TP63: variants seen among roughly 807,000 people sequenced by gnomAD.
TP63 encodes tumor protein 63.
A neutral mutation model predicts 82.8 loss-of-function variants in TP63; 17 were observed. The ratio of observed to expected loss-of-function variants is 0.21; its 90% CI spans 0.14 to 0.31. The LOEUF (loss-of-function observed/expected upper bound fraction) is 0.31. Ranked by LOEUF, TP63 falls within the 10% of genes least tolerant of loss-of-function variation. The probability of loss-of-function intolerance (pLI) is 1.00; values close to 1 mark genes in which losing one functional copy is unlikely to be tolerated. For missense variants in TP63, 648 were observed against 895.3 expected, an observed-to-expected ratio of 0.72 and a Z score of 3.52; for synonymous variants, 330 against 321.7, an observed-to-expected ratio of 1.03 and a Z score of -0.28.
At chr3:189,754,785 A>G (rs1381502821) in intron 3 of TP63, among the ~76,000 whole-genome samples, 3 of 152,116 alleles carry the variant, frequency 2.0e-5, no homozygotes, top group East Asian at 1.9e-4. Flanking sequence ...GTTGGTCTCT[A>G]TCAGGCTCCT....
intron 3 of TP63, among the ~76,000 whole-genome samples, chr3:189,778,695 G>A (rs1048644731): frequency 4.6e-5 from 7 of 152,196 alleles, no homozygotes; most frequent in Admixed American, 6.5e-5. Flanking sequence ...ATCTTTTAAA[G>A]AGATGCTTAG....
intron 10 of TP63, among the ~76,000 whole-genome samples, chr3:189,883,097 A>C (rs1348941900): frequency 6.6e-6 from 1 of 152,126 alleles, no homozygotes; most frequent in African/African-American, 2.4e-5. Context: ...AGGTCCTGTT[A>C]TTCTTCTGAA....
upstream of TP63, chr3:189,631,377 G>T: frequency 6.5e-7 from 1 of 1,529,360 alleles, no homozygotes; most frequent in Non-Finnish European, 8.8e-7. Flanking sequence ...AAGGAGAGAA[G>T]TGCCTAAACT....
chr3:189,779,590 A>G (rs1403916328), intron 3 of TP63, among the ~76,000 whole-genome samples: 1 of 152,196 alleles, frequency 6.6e-6, no homozygotes, highest in Non-Finnish European at 1.5e-5. Flanking sequence ...ATTCCTGCAC[A>G]ATGTTCAGGC....
intron 4 of TP63, among the ~76,000 whole-genome samples, chr3:189,848,634 GT>G (rs1715244163): frequency 6.6e-6 from 1 of 152,180 alleles, no homozygotes; most frequent in Non-Finnish European, 1.5e-5. Flanking sequence ...AAGATGTCAA[GT>G]TGGATTTCTA....
At chr3:189,719,692 T>A (rs1340421101) in intron 1 of TP63, among the ~76,000 whole-genome samples, 1 of 152,224 alleles carries the variant, frequency 6.6e-6, no homozygotes, top group African/African-American at 2.4e-5. Flanking sequence ...TTAAACACGC[T>A]GCAAAAACAG....
At chr3:189,634,031 C>G (rs748958329) in intron 1 of TP63, among the ~76,000 whole-genome samples, 28 of 152,028 alleles carry the variant, frequency 1.8e-4, no homozygotes, top group Non-Finnish European at 3.4e-4. Context: ...AATGAAATAT[C>G]ACTGAAGGAA....
At chr3:189,826,736 A>G (rs1423304192) in intron 4 of TP63, among the ~76,000 whole-genome samples, 4 of 152,198 alleles carry the variant, frequency 2.6e-5, no homozygotes, top group African/African-American at 9.6e-5. Flanking sequence ...CATGAGTCTC[A>G]TAGGATCTCT....
At chr3:189,765,842 C>T (rs572181339) in intron 3 of TP63, among the ~76,000 whole-genome samples, 42 of 152,258 alleles carry the variant, frequency 2.8e-4, no homozygotes, top group South Asian at 8.3e-4. Flanking sequence ...GTTTTCTGTT[C>T]ATGAACAGAT....
At chr3:189,855,323 T>C (rs939365358) in intron 4 of TP63, among the ~76,000 whole-genome samples, 9 of 152,134 alleles carry the variant, frequency 5.9e-5, no homozygotes, top group African/African-American at 2.2e-4. Context: ...ATAAACAAAA[T>C]TCTACAAGAA....
Position 189,892,589 on chromosome 3 carries a change from G to A in TP63, c.1747-1617G>A, listed in dbSNP as rs1303416195. 1.3e-4 allele frequency among the ~76,000 whole-genome samples: 20 copies of A among 152,056 alleles called. 1 individual carries two copies. Among genetic ancestry groups the A allele is most frequent in the Non-Finnish European group, 2.8e-4 (19 of 67,986 alleles). ...AGGCGGATCACGAGGTCAGGAGACC[G>A]AGACCATCCTGGCTAACACGGTGAA... On this transcript the variant is annotated intron_variant, in intron 13 of 13. Coordinates refer to ENST00000264731, the MANE Select transcript of TP63 (RefSeq NM_003722.5).
At chr3:189,714,113 G>A (rs976666422) in intron 1 of TP63, among the ~76,000 whole-genome samples, 3 of 152,116 alleles carry the variant, frequency 2.0e-5, no homozygotes, top group Non-Finnish European at 2.9e-5. Context: ...ATGATTATCT[G>A]TAGATGAATT....
intron 1 of TP63, among the ~76,000 whole-genome samples, chr3:189,676,703 G>A (rs188124155): frequency 3.3e-4 from 50 of 152,046 alleles, no homozygotes; most frequent in Admixed American, 2.8e-3. Context: ...AATAGTGTAC[G>A]TCAGGAATCC....
intron 1 of TP63, among the ~76,000 whole-genome samples, chr3:189,737,433 TC>T (rs1202996806): frequency 6.6e-6 from 1 of 152,120 alleles, no homozygotes; most frequent in Non-Finnish European, 1.5e-5. Context: ...CTTTTCAAAA[TC>T]TACAGAACAC....
At chr3:189,764,016 CTG>C (rs1048025903) in intron 3 of TP63, among the ~76,000 whole-genome samples, 3 of 152,124 alleles carry the variant, frequency 2.0e-5, no homozygotes, top group African/African-American at 7.2e-5. Context: ...GCTGAGCTGA[CTG>C]TGGTAATTAG....
intron 1 of TP63, among the ~76,000 whole-genome samples, chr3:189,731,361 A>G (rs1037270206): frequency 6.6e-6 from 1 of 152,186 alleles, no homozygotes; most frequent in Admixed American, 6.5e-5. Flanking sequence ...AAGAAAAAAA[A>G]AGAACACTTA....
intron 1 of TP63, among the ~76,000 whole-genome samples, chr3:189,641,592 G>A (rs1393867105): frequency 1.3e-5 from 2 of 151,788 alleles, no homozygotes; most frequent in Non-Finnish European, 2.9e-5. Flanking sequence ...ATAATCTAAT[G>A]AGCACTTTCC....
intron 1 of TP63, among the ~76,000 whole-genome samples, chr3:189,663,552 G>A (rs1410061774): frequency 2.1e-5 from 2 of 95,394 alleles, no homozygotes; most frequent in African/African-American, 7.6e-5. Flanking sequence ...TTTTGAGACA[G>A]TGTCTCACTC....
intron 4 of TP63, among the ~76,000 whole-genome samples, chr3:189,856,287 A>G (rs543513413): frequency 3.3e-5 from 5 of 151,606 alleles, no homozygotes; most frequent in Admixed American, 2.6e-4. Flanking sequence ...TAAGTGTTGT[A>G]TTTGATATAC....
Sources: gnomAD v4.1 joint callset for allele counts (sites outside exome capture counted in the v4.1 genomes callset) on GRCh38, gnomAD v4.1.1 for gene constraint, MANE v1.5 for transcripts, NCBI Gene and HGNC (gene_info 2026-07-23, HGNC 2026-07-21) for gene names.